Variants in PICALM observed in about 807,000 individuals in gnomAD.
The protein encoded by PICALM is phosphatidylinositol-binding clathrin assembly protein.
PICALM carries 40 observed loss-of-function variants against 80.5 expected under a neutral mutation model. The ratio of observed to expected loss-of-function variants is 0.50; its 90% CI spans 0.39 to 0.65. The LOEUF (loss-of-function observed/expected upper bound fraction) is 0.65. Ranked by LOEUF, PICALM falls within the 30% of genes least tolerant of loss-of-function variation. The pLI is 0.00. For missense variants in PICALM, 676 were observed against 778.9 expected (o/e 0.87, Z 1.57); for synonymous variants, 288 against 260.3 (o/e 1.11, Z -1.02).
intron 1 of PICALM, among the ~76,000 whole-genome samples, chr11:86,062,926 C>T (rs1168250204): frequency 6.6e-6 from 1 of 152,204 alleles, no homozygotes; most frequent in Non-Finnish European, 1.5e-5. Context: ...AGAGCAAATA[C>T]TAAGACTTTA....
At chr11:86,000,281 G>C (rs995418261) in intron 11 of PICALM, among the ~76,000 whole-genome samples, 2 of 152,164 alleles carry the variant, frequency 1.3e-5, no homozygotes, top group African/African-American at 4.8e-5. Flanking sequence ...TAATGAAATG[G>C]TATTTTGAAA....
At chr11:86,055,515 T>C (rs1207909267) in intron 1 of PICALM, among the ~76,000 whole-genome samples, 1 of 151,890 alleles carries the variant, frequency 6.6e-6, no homozygotes, top group African/African-American at 2.4e-5. Context: ...ACCCAAATAA[T>C]TCCAGTTATC....
intron 12 of PICALM, among the ~76,000 whole-genome samples, chr11:85,994,998 C>A (rs533853567): frequency 6.6e-6 from 1 of 152,322 alleles, no homozygotes; most frequent in South Asian, 2.1e-4. Flanking sequence ...GCCATCGCAC[C>A]TGGCCTTATA....
At chr11:85,996,721 A>C in intron 12 of PICALM, 105 bp downstream of exon 12, 1 of 687,258 alleles carries the variant, frequency 1.5e-6, no homozygotes, top group South Asian at 1.8e-5. Context: ...ATACTTATCA[A>C]GTTCTCATGT....
At position 86,041,868 on chromosome 11, in the gene PICALM, C is replaced by T. The variant is rs2095975853; in HGVS notation, c.131-10257G>A. Among the ~76,000 whole-genome samples the T allele has an allele frequency of 2.0e-5, 3 of 152,248 alleles. No homozygotes were observed. In the South Asian group the frequency reaches 6.2e-4, roughly 32 times the overall value. On this transcript the variant is annotated intron_variant, in intron 1 of 19. Coordinates refer to ENST00000393346, the MANE Select transcript of PICALM (RefSeq NM_007166.4). ...TAGAACAAAAGTGGAAAGTTTAAGTCATGAAAATGCTCTATAGAAAAACAT... is the reference window on the plus strand; with the variant it reads ...TAGAACAAAAGTGGAAAGTTTAAGTTATGAAAATGCTCTATAGAAAAACAT...
rs76400309 is a variant in PICALM at position 85,962,818 on chromosome 11, C to G, written c.1945-3758G>C. ...CGGATGAAACCATAGCCAGGGCTAG[C>G]TAGGCTGACTGCACAGCTCCAAGGA... On this transcript the variant is annotated intron_variant, in intron 19 of 19. Transcript: ENST00000393346. Among the ~76,000 whole-genome samples the G allele has an allele frequency of 4.6e-5, 7 of 152,310 alleles. No homozygotes were observed. The East Asian group carries it at 1.2e-3, about 25-fold the overall frequency.
At chr11:86,033,376 C>A (rs556163158) in intron 1 of PICALM, among the ~76,000 whole-genome samples, 1 of 151,888 alleles carries the variant, frequency 6.6e-6, no homozygotes, top group South Asian at 2.1e-4. Flanking sequence ...TTCTTCCCCC[C>A]ACTGCATCAC....
At chr11:86,008,952 C>CAAAAAAAAAAAAA (rs59740555) in intron 7 of PICALM, among the ~76,000 whole-genome samples, 3 of 62,846 alleles carry the variant, frequency 4.8e-5, no homozygotes, top group Non-Finnish European at 6.2e-5. Context: ...AAAAAAAAGC[C>CAAAAAAAAAAAAA]AAAAAAAAAA....
chr11:85,964,480 A>AAT (rs1308627872), intron 19 of PICALM, among the ~76,000 whole-genome samples: 2 of 152,244 alleles, frequency 1.3e-5, no homozygotes, highest in East Asian at 3.8e-4. Context: ...TAATAGGCCC[A>AAT]ATACCTGTAC....
intron 1 of PICALM, among the ~76,000 whole-genome samples, chr11:86,033,799 T>C (rs1200418714): frequency 6.6e-6 from 1 of 152,182 alleles, no homozygotes; most frequent in Non-Finnish European, 1.5e-5. Flanking sequence ...ATCAGTCATA[T>C]TTTTTAAGAC....
intron 4 of PICALM, among the ~76,000 whole-genome samples, chr11:86,018,526 A>G (rs1313377317): frequency 4.6e-5 from 7 of 152,182 alleles, no homozygotes; most frequent in Admixed American, 4.6e-4. Flanking sequence ...CACTGCTTTT[A>G]TAAGATTAAA....
intron 8 of PICALM, chr11:86,007,327 G>A (rs970614116): frequency 1.3e-5 from 4 of 304,640 alleles, no homozygotes; most frequent in East Asian, 5.5e-5. Context: ...TAAATAAATG[G>A]TATGACAGTG....
intron 1 of PICALM, among the ~76,000 whole-genome samples, chr11:86,049,916 C>G (rs964124418): frequency 1.3e-5 from 2 of 151,582 alleles, no homozygotes; most frequent in Non-Finnish European, 2.9e-5. Context: ...TAAACTACAT[C>G]AGGCCAGGTG....
chr11:86,048,182 C>G (rs2137243702), intron 1 of PICALM, among the ~76,000 whole-genome samples: 1 of 152,312 alleles, frequency 6.6e-6, no homozygotes, highest in Non-Finnish European at 1.5e-5. Context: ...CAAGGAGTAT[C>G]TTAGTATCCC....
At chr11:86,057,217 A>G (rs879440257) in intron 1 of PICALM, among the ~76,000 whole-genome samples, 6 of 152,038 alleles carry the variant, frequency 3.9e-5, no homozygotes, top group Non-Finnish European at 5.9e-5. Flanking sequence ...TAAAAGGGAA[A>G]AAAAATAAAT....
At chr11:86,061,072 T>G (rs528174923) in intron 1 of PICALM, among the ~76,000 whole-genome samples, 1 of 152,280 alleles carries the variant, frequency 6.6e-6, no homozygotes, top group East Asian at 1.9e-4. Context: ...CTCATGCCTG[T>G]AATCCCAACA....
At chr11:86,036,080 A>G (rs991539398) in intron 1 of PICALM, among the ~76,000 whole-genome samples, 1 of 152,190 alleles carries the variant, frequency 6.6e-6, no homozygotes, top group Non-Finnish European at 1.5e-5. Context: ...GTGGGAGTAG[A>G]AACAAAAAGC....
At chr11:86,022,269 A>T (rs1158394193) in intron 4 of PICALM, 98 bp downstream of exon 4, 1 of 691,920 alleles carries the variant, frequency 1.4e-6, no homozygotes, top group Non-Finnish European at 2.4e-6. Context: ...TCATCTTTTA[A>T]AACTGGCTAA....
intron 12 of PICALM, among the ~76,000 whole-genome samples, chr11:85,994,790 G>A (rs535392311): frequency 3.9e-5 from 6 of 152,238 alleles, no homozygotes; most frequent in South Asian, 2.1e-4. Context: ...TGCAATTTCC[G>A]CCTCCGGGGT....
Sources: allele counts gnomAD v4.1 joint callset (sites outside exome capture counted in the v4.1 genomes callset), GRCh38; gene constraint gnomAD v4.1.1; transcripts MANE v1.5; gene names NCBI Gene and HGNC (gene_info 2026-07-23, HGNC 2026-07-21).